ADAMTSL3: variants seen among roughly 807,000 people sequenced by gnomAD.
ADAMTSL3 encodes ADAMTS-like protein 3.
Under a neutral mutation model 201.7 loss-of-function variants are expected in ADAMTSL3, and 128 were observed. The observed-to-expected ratio is 0.63, with a 90% CI of 0.55 to 0.73. The LOEUF is 0.73. ADAMTSL3 is among the 30% of genes least tolerant of loss of function. ADAMTSL3 has a pLI of 0.00. For synonymous variants in ADAMTSL3, 738 were observed against 748.4 expected (o/e 0.99, Z 0.23); for missense variants, 1,990 against 2,119.6 (o/e 0.94, Z 1.20).
chr15:84,026,599 A>G (rs890211170), intron 27 of ADAMTSL3, among the ~76,000 whole-genome samples: 2 of 152,226 alleles, frequency 1.3e-5, no homozygotes, highest in African/African-American at 4.8e-5. Context: ...TAGGATGGAC[A>G]TATAGATCAA....
chr15:83,846,702 C>T (rs1328506457), intron 7 of ADAMTSL3, among the ~76,000 whole-genome samples: 2 of 152,218 alleles, frequency 1.3e-5, no homozygotes, highest in African/African-American at 4.8e-5. Flanking sequence ...GGTTGCCAAA[C>T]TTCCCAGGTG....
chr15:84,009,319 G>A (rs1043860851), intron 23 of ADAMTSL3, among the ~76,000 whole-genome samples: 1 of 152,094 alleles, frequency 6.6e-6, no homozygotes, highest in African/African-American at 2.4e-5. Context: ...AAAATTGGAG[G>A]AATGTGTCCT....
At chr15:83,810,102 G>GA (rs1327132107) in intron 5 of ADAMTSL3, among the ~76,000 whole-genome samples, 1 of 152,092 alleles carries the variant, frequency 6.6e-6, no homozygotes, top group East Asian at 1.9e-4. Flanking sequence ...ACTTGAATGG[G>GA]AAAAAATGGG....
chr15:83,779,615 G>A (rs1315965977), intron 4 of ADAMTSL3, among the ~76,000 whole-genome samples: 1 of 148,974 alleles, frequency 6.7e-6, no homozygotes, highest in African/African-American at 2.5e-5. Flanking sequence ...GGAGAATGGT[G>A]TGAACCTGGG....
At chr15:83,729,727 A>T (rs1873033463) in intron 3 of ADAMTSL3, among the ~76,000 whole-genome samples, 1 of 152,046 alleles carries the variant, frequency 6.6e-6, no homozygotes, top group Admixed American at 6.6e-5. Flanking sequence ...GAAAGGTCAC[A>T]TATCTCTGTC....
At chr15:83,856,544 G>A (rs1329313896) in intron 7 of ADAMTSL3, among the ~76,000 whole-genome samples, 1 of 151,980 alleles carries the variant, frequency 6.6e-6, no homozygotes, top group Non-Finnish European at 1.5e-5. Flanking sequence ...ACATCTGTGA[G>A]AACCATGATT....
intron 2 of ADAMTSL3, among the ~76,000 whole-genome samples, chr15:83,689,153 CA>C (rs1567073802): frequency 6.6e-6 from 1 of 152,052 alleles, no homozygotes; most frequent in Non-Finnish European, 1.5e-5. Context: ...AATGTATATA[CA>C]AAAGAATTCA....
chr15:83,873,602 C>T (rs905248398), intron 9 of ADAMTSL3, among the ~76,000 whole-genome samples: 2 of 144,542 alleles, frequency 1.4e-5, no homozygotes, highest in Non-Finnish European at 3.0e-5. Context: ...TGGCCTTGAA[C>T]TCCTGGGCTC....
intron 6 of ADAMTSL3, among the ~76,000 whole-genome samples, chr15:83,834,963 T>C (rs560612671): frequency 1.3e-5 from 2 of 152,154 alleles, no homozygotes; most frequent in African/African-American, 4.8e-5. Context: ...GGCCGGGCGC[T>C]GTGGTTCACG....
intron 2 of ADAMTSL3, among the ~76,000 whole-genome samples, chr15:83,661,105 T>G (rs1420743430): frequency 1.3e-5 from 2 of 148,566 alleles, no homozygotes; most frequent in South Asian, 4.3e-4. Context: ...TATGTGGCGT[T>G]ATTTCTGAGG....
chr15:83,723,717 G>T (rs1001755865), intron 3 of ADAMTSL3, among the ~76,000 whole-genome samples: 1 of 152,116 alleles, frequency 6.6e-6, no homozygotes. Flanking sequence ...TTATTTATAT[G>T]TGAACAGAAA....
At chr15:84,008,690 T>C (rs1012098899) in intron 23 of ADAMTSL3, among the ~76,000 whole-genome samples, 1 of 152,138 alleles carries the variant, frequency 6.6e-6, no homozygotes, top group Non-Finnish European at 1.5e-5. Flanking sequence ...GTTAAATTTA[T>C]ATTTTCAGCA....
intron 5 of ADAMTSL3, among the ~76,000 whole-genome samples, chr15:83,806,533 G>A (rs1353644762): frequency 1.3e-5 from 2 of 152,152 alleles, no homozygotes; most frequent in Non-Finnish European, 2.9e-5. Flanking sequence ...AAGCAAAAAC[G>A]AATTCAGCAG....
chr15:83,979,479 A>G (rs1000604516), intron 20 of ADAMTSL3, among the ~76,000 whole-genome samples: 1 of 152,350 alleles, frequency 6.6e-6, no homozygotes, highest in African/African-American at 2.4e-5. Context: ...TCCAATTAGT[A>G]AAAATAGAAG....
chr15:83,883,787 A>G (rs981676994), intron 9 of ADAMTSL3, among the ~76,000 whole-genome samples: 4 of 151,708 alleles, frequency 2.6e-5, no homozygotes, highest in African/African-American at 9.7e-5. Context: ...ACTGATTTCA[A>G]ACTTCTGGCC....
chr15:83,801,667 T>TATATATATATATAA (rs2063523730), intron 4 of ADAMTSL3, among the ~76,000 whole-genome samples: 1 of 61,546 alleles, frequency 1.6e-5, no homozygotes, highest in Non-Finnish European at 3.6e-5. Flanking sequence ...TATATATATA[T>TATATATATATATAA]ATATATATAT....
chr15:83,871,285 C>G (rs934078534), intron 9 of ADAMTSL3, among the ~76,000 whole-genome samples: 1 of 152,190 alleles, frequency 6.6e-6, no homozygotes, highest in African/African-American at 2.4e-5. Flanking sequence ...GCTGCAGTGG[C>G]TATTCACAGC....
At position 84,007,496 on chromosome 15, in the gene ADAMTSL3, C is replaced by G. The variant is rs191805055; in HGVS notation, c.3974-7046C>G. 2.6e-3 allele frequency among the ~76,000 whole-genome samples: 393 copies of G among 152,228 alleles called. 2 individuals carry two copies. The highest frequency in any genetic ancestry group is 4.9e-3 in the Admixed American group (75 of 15,300). ...CTGGAGCCCAGAAGTTTGAAGCTTC[C>G]GTATGCTATGATCATGCCTGTGCAT... On this transcript the variant is annotated intron_variant, in intron 23 of 29. Transcript: ENST00000286744.
At chr15:83,883,854 C>T (rs970282734) in intron 9 of ADAMTSL3, among the ~76,000 whole-genome samples, 15 of 152,030 alleles carry the variant, frequency 9.9e-5, no homozygotes, top group Non-Finnish European at 1.8e-4. Context: ...GTGTGAGCCA[C>T]TGTGCCTGGC....
Sources: gnomAD v4.1 joint callset for allele counts (sites outside exome capture counted in the v4.1 genomes callset) on GRCh38, gnomAD v4.1.1 for gene constraint, MANE v1.5 for transcripts, NCBI Gene and HGNC (gene_info 2026-07-23, HGNC 2026-07-21) for gene names.